The following CLPB variants were observed in gnomAD, a reference collection of about 807,000 sequenced individuals.
CLPB encodes mitochondrial disaggregase.
Under a neutral mutation model 78.4 loss-of-function variants are expected in CLPB, and 40 were observed. That is an observed-to-expected ratio of 0.51 (90% CI 0.40 to 0.66). The LOEUF (loss-of-function observed/expected upper bound fraction) is 0.66. CLPB is among the 30% of genes least tolerant of loss of function. The pLI, the probability that CLPB is intolerant of heterozygous loss-of-function variation, is 0.00. For missense variants in CLPB, 780 were observed against 886.9 expected (o/e 0.88, Z 1.53); for synonymous variants, 333 against 348.0 (o/e 0.96, Z 0.48).
intron 9 of CLPB, among the ~76,000 whole-genome samples, chr11:72,306,556 G>C (rs1949748778): frequency 6.6e-6 from 1 of 152,216 alleles, no homozygotes; most frequent in African/African-American, 2.4e-5. Context: ...GCCTTGGAAA[G>C]CCTGAGTGTG....
At chr11:72,431,357 G>C (rs1856540466) in intron 1 of CLPB, among the ~76,000 whole-genome samples, 1 of 152,210 alleles carries the variant, frequency 6.6e-6, no homozygotes, top group Non-Finnish European at 1.5e-5. Context: ...CCAGCCAAAA[G>C]ACTCACTCAT....
At chr11:72,414,010 C>T (rs1012102475) in intron 2 of CLPB, among the ~76,000 whole-genome samples, 3 of 152,148 alleles carry the variant, frequency 2.0e-5, no homozygotes, top group Admixed American at 6.5e-5. Context: ...CATGAGAGTA[C>T]AGGTCAGAGC....
chr11:72,296,406 T>C (rs1949552217), intron 11 of CLPB, among the ~76,000 whole-genome samples: 1 of 152,198 alleles, frequency 6.6e-6, no homozygotes, highest in South Asian at 2.1e-4. Context: ...GAGGCATCTA[T>C]ACTGGAGAAA....
intron 4 of CLPB, among the ~76,000 whole-genome samples, chr11:72,373,503 A>G (rs1216506148): frequency 6.6e-6 from 1 of 152,218 alleles, no homozygotes; most frequent in Non-Finnish European, 1.5e-5. Context: ...GGTTGAGATC[A>G]GGGAATAGGT....
At chr11:72,299,797 G>A (rs527433516) in intron 11 of CLPB, among the ~76,000 whole-genome samples, 2 of 152,290 alleles carry the variant, frequency 1.3e-5, no homozygotes, top group East Asian at 3.9e-4. Flanking sequence ...AGAAACTATA[G>A]TAGGCTGGGG....
chr11:72,360,610 T>G (rs1248590693), intron 4 of CLPB, among the ~76,000 whole-genome samples: 1 of 152,112 alleles, frequency 6.6e-6, no homozygotes, highest in African/African-American at 2.4e-5. Context: ...CTAATTTTTG[T>G]ATTTTTAGTA....
intron 2 of CLPB, among the ~76,000 whole-genome samples, chr11:72,406,954 A>T (rs1855727912): frequency 6.6e-6 from 1 of 152,132 alleles, no homozygotes; most frequent in African/African-American, 2.4e-5. Flanking sequence ...TTTTTCACAG[A>T]AAATTCTGTT....
chr11:72,432,980 T>C (rs1376209514), intron 1 of CLPB, among the ~76,000 whole-genome samples: 2 of 152,128 alleles, frequency 1.3e-5, no homozygotes, highest in Admixed American at 6.5e-5. Flanking sequence ...TGGACTCACA[T>C]AGGTCATCAG....
intron 2 of CLPB, among the ~76,000 whole-genome samples, chr11:72,412,621 G>A (rs1201107008): frequency 6.6e-6 from 1 of 152,188 alleles, no homozygotes; most frequent in Non-Finnish European, 1.5e-5. Context: ...ACTGTGGGCA[G>A]ATCACACTAC....
chr11:72,341,234 G>A (rs1950415032), intron 5 of CLPB, among the ~76,000 whole-genome samples: 3 of 152,124 alleles, frequency 2.0e-5, no homozygotes, highest in African/African-American at 2.4e-5. Context: ...TTCCTACAGT[G>A]GATAGGGTGT....
At chr11:72,377,184 A>G (rs1304282441) in intron 4 of CLPB, among the ~76,000 whole-genome samples, 1 of 152,218 alleles carries the variant, frequency 6.6e-6, no homozygotes, top group African/African-American at 2.4e-5. Flanking sequence ...GGAATGGAGG[A>G]TGGAAAAGAA....
intron 5 of CLPB, chr11:72,353,069 G>A (rs540111737): frequency 2.0e-5 from 3 of 152,362 alleles, no homozygotes; most frequent in South Asian, 2.1e-4. Context: ...GCCGCCAGAT[G>A]GACAGACGGT....
At chr11:72,410,594 G>A (rs1296013415) in intron 2 of CLPB, 1 of 152,206 alleles carries the variant, frequency 6.6e-6, no homozygotes, top group African/African-American at 2.4e-5. Flanking sequence ...ACAGGAAAAG[G>A]TATACACAGA....
chr11:72,337,638 T>A (rs1190772774), intron 5 of CLPB, among the ~76,000 whole-genome samples: 1 of 152,184 alleles, frequency 6.6e-6, no homozygotes, highest in Non-Finnish European at 1.5e-5. Context: ...TATACTATTC[T>A]CTCTTTTGTA....
At chr11:72,400,079 A>G (rs1431818455) in intron 3 of CLPB, among the ~76,000 whole-genome samples, 1 of 152,154 alleles carries the variant, frequency 6.6e-6, no homozygotes, top group Non-Finnish European at 1.5e-5. Flanking sequence ...CGCATCCATT[A>G]TACTCATTGT....
Position 72,407,838 on chromosome 11 carries a change from G to C in CLPB, c.456-4786C>G, listed in dbSNP as rs149291991. On this transcript the variant is annotated intron_variant, in intron 2 of 15. Transcript: ENST00000538039. ...ATTTTTTGTATTTTTTAGCAGAGAC[G>C]GGGTTTCACCGTATTAGCCAGGATG... Among the ~76,000 whole-genome samples the C allele has an allele frequency of 6.6e-3, 1,008 of 152,114 alleles. 11 individuals carry two copies. The highest frequency in any genetic ancestry group is 0.023 in the African/African-American group (965 of 41,504).
chr11:72,337,753 A>T (rs1950347470), intron 5 of CLPB, among the ~76,000 whole-genome samples: 1 of 152,234 alleles, frequency 6.6e-6, no homozygotes, highest in Non-Finnish European at 1.5e-5. Flanking sequence ...TGACTCAAAA[A>T]GAGAGAAAAC....
chr11:72,383,475 G>A (rs908757031), intron 3 of CLPB, among the ~76,000 whole-genome samples: 16 of 149,840 alleles, frequency 1.1e-4, no homozygotes. Context: ...AGCTTGCAGT[G>A]AGCCAAGATC....
chr11:72,394,192 G>C (rs569185394), intron 3 of CLPB, among the ~76,000 whole-genome samples: 10 of 152,084 alleles, frequency 6.6e-5, no homozygotes, highest in East Asian at 1.9e-4. Flanking sequence ...ATCTACTGCC[G>C]ACCCCTGGCC....
Sources: allele counts gnomAD v4.1 joint callset (sites outside exome capture counted in the v4.1 genomes callset), GRCh38; gene constraint gnomAD v4.1.1; transcripts MANE v1.5; gene names NCBI Gene and HGNC (gene_info 2026-07-23, HGNC 2026-07-21).